CELF1: variants seen among roughly 807,000 people sequenced by gnomAD.
CELF1 encodes the protein CUGBP Elav-like family member 1, also known as 50 kDa nuclear polyadenylated RNA-binding protein.
Under a neutral mutation model 61.8 loss-of-function variants are expected in CELF1, and 10 were observed. The ratio of observed to expected loss-of-function variants is 0.16; its 90% CI spans 0.10 to 0.27. CELF1 has a LOEUF of 0.27. Ranked by LOEUF, CELF1 falls within the 10% of genes least tolerant of loss-of-function variation. The probability of loss-of-function intolerance (pLI) is 1.00; values close to 1 mark genes in which losing one functional copy is unlikely to be tolerated. For missense variants in CELF1, 380 were observed against 639.1 expected, an observed-to-expected ratio of 0.59 and a Z score of 4.37; for synonymous variants, 236 against 225.1, an observed-to-expected ratio of 1.05 and a Z score of -0.43.
At chr11:47,522,437 G>A (rs932656812) in intron 1 of CELF1, among the ~76,000 whole-genome samples, 4 of 151,734 alleles carry the variant, frequency 2.6e-5, no homozygotes, top group African/African-American at 4.8e-5. Flanking sequence ...GCTGAGTCAG[G>A]AGAACCCGGG....
chr11:47,521,672 A>T (rs2095898174), intron 1 of CELF1, among the ~76,000 whole-genome samples: 1 of 152,234 alleles, frequency 6.6e-6, no homozygotes, highest in South Asian at 2.1e-4. Flanking sequence ...GTGCTCAATA[A>T]ACATTTGCTA....
At chr11:47,553,944 T>C (rs1340519617), upstream of CELF1, among the ~76,000 whole-genome samples, 2 of 152,078 alleles carry the variant, frequency 1.3e-5, no homozygotes, top group East Asian at 3.8e-4. Flanking sequence ...TAAGCCAACA[T>C]TTATTCCTAG....
chr11:47,538,079 C>A (rs1003746101), intron 1 of CELF1, among the ~76,000 whole-genome samples: 7 of 152,006 alleles, frequency 4.6e-5, no homozygotes, highest in Admixed American at 3.9e-4. Flanking sequence ...CCATGCCTGG[C>A]TAAATAATTT....
intron 1 of CELF1, among the ~76,000 whole-genome samples, chr11:47,503,008 C>G (rs1437277545): frequency 6.6e-6 from 1 of 152,216 alleles, no homozygotes; most frequent in Non-Finnish European, 1.5e-5. Flanking sequence ...GTTTCCTCTT[C>G]TCTCCCTGGT....
chr11:47,497,616 A>G lies in CELF1; in HGVS notation c.71+1837T>C, dbSNP rs139478022. On this transcript the variant is annotated intron_variant, in intron 3 of 14. Transcript: ENST00000687097. ...GGGTGACTAAAACAGATGCAAACGT[A>G]CTTGGAAAAAATGTTGACAATCCAT... 3.9e-5 allele frequency among the ~76,000 whole-genome samples: 6 copies of G among 152,350 alleles called. No homozygotes were observed. In the East Asian group the frequency reaches 1.2e-3, roughly 29 times the overall value.
chr11:47,494,324 G>C, intron 3 of CELF1: 1 of 913,722 alleles, frequency 1.1e-6, no homozygotes, highest in Non-Finnish European at 1.3e-6. Context: ...AGCAGTAATA[G>C]TAATACCTGA....
intron 2 of CELF1, among the ~76,000 whole-genome samples, chr11:47,563,881 C>T (rs1461370463): frequency 1.3e-5 from 2 of 149,382 alleles, no homozygotes; most frequent in Admixed American, 1.3e-4. Flanking sequence ...CTTAGCTGGG[C>T]GTGGTGGCAG....
At chr11:47,501,646 C>T (rs1044619746) in intron 1 of CELF1, among the ~76,000 whole-genome samples, 8 of 151,842 alleles carry the variant, frequency 5.3e-5, no homozygotes, top group Admixed American at 3.9e-4. Context: ...GAAACCCCAT[C>T]TCTACTAAAA....
chr11:47,563,934 G>A (rs996146792), intron 2 of CELF1, among the ~76,000 whole-genome samples: 1 of 151,834 alleles, frequency 6.6e-6, no homozygotes, highest in African/African-American at 2.4e-5. Flanking sequence ...GAACCTGGGA[G>A]GCAGAGGTTG....
intron 1 of CELF1, among the ~76,000 whole-genome samples, chr11:47,543,962 A>C (rs1313461950): frequency 6.6e-6 from 1 of 152,210 alleles, no homozygotes; most frequent in Non-Finnish European, 1.5e-5. Flanking sequence ...ATTCATTTAT[A>C]ATTTTCAGTT....
intron 1 of CELF1, among the ~76,000 whole-genome samples, chr11:47,548,045 A>G (rs2097023924): frequency 6.6e-6 from 1 of 152,190 alleles, no homozygotes; most frequent in Non-Finnish European, 1.5e-5. Flanking sequence ...TCAAGCCTGT[A>G]ATCCCAACAC....
In CELF1 at chr11:47,505,934, T is replaced by A. The variant is rs1163904947; in HGVS notation, c.-153-5002A>T. Among the ~76,000 whole-genome samples the A allele has an allele frequency of 2.0e-4, 21 of 102,972 alleles. 1 individual carries two copies. Among genetic ancestry groups the A allele is most frequent in the African/African-American group, 6.6e-4 (21 of 31,944 alleles). 67.6% of individuals were successfully genotyped at this position (102,972 alleles called of 152,430 possible). On this transcript the variant is annotated intron_variant, in intron 1 of 14. Transcript: ENST00000687097. ...TGGGTGACAAGAGTGAAACTCTGTC[T>A]CCAAAAAAAAAAAAAAAAAGTATGT... is the stretch of plus-strand genomic sequence containing the variant.
chr11:47,507,101 T>C (rs1357660977), intron 1 of CELF1, among the ~76,000 whole-genome samples: 1 of 152,120 alleles, frequency 6.6e-6, no homozygotes, highest in East Asian at 1.9e-4. Context: ...TAAAACACCA[T>C]CAACTTAAAC....
At chr11:47,529,676 C>T (rs1018756002) in intron 1 of CELF1, among the ~76,000 whole-genome samples, 3 of 151,734 alleles carry the variant, frequency 2.0e-5, no homozygotes, top group African/African-American at 7.3e-5. Context: ...AAAAAATTAG[C>T]TGGGTGTGGT....
chr11:47,539,401 CG>C (rs1344872334), intron 1 of CELF1, among the ~76,000 whole-genome samples: 3 of 152,128 alleles, frequency 2.0e-5, no homozygotes, highest in Non-Finnish European at 4.4e-5. Context: ...CCTGTAATCC[CG>C]GCACTTTGGG....
At chr11:47,540,866 CAGAG>C (rs1014664147) in intron 1 of CELF1, among the ~76,000 whole-genome samples, 6 of 151,346 alleles carry the variant, frequency 4.0e-5, no homozygotes, top group Admixed American at 2.6e-4. Flanking sequence ...GCCTGGGCGA[CAGAG>C]AGAGACTCCA....
chr11:47,473,785 T>G (rs1057415787), intron 13 of CELF1, among the ~76,000 whole-genome samples: 5 of 152,234 alleles, frequency 3.3e-5, no homozygotes, highest in Non-Finnish European at 7.3e-5. Flanking sequence ...TCAGTGAGTT[T>G]CATCATATGT....
chr11:47,511,659 C>T (rs563418824), intron 1 of CELF1, among the ~76,000 whole-genome samples: 8 of 152,242 alleles, frequency 5.3e-5, no homozygotes, highest in African/African-American at 1.9e-4. Flanking sequence ...GTTTTGGGTG[C>T]TTTACATTTA....
intron 1 of CELF1, among the ~76,000 whole-genome samples, chr11:47,505,102 A>G (rs2094371488): frequency 1.3e-5 from 2 of 151,018 alleles, no homozygotes; most frequent in African/African-American, 4.8e-5. Context: ...AATCACAGAA[A>G]GACTCTGTAC....
Sources: gnomAD v4.1 joint callset for allele counts (sites outside exome capture counted in the v4.1 genomes callset) on GRCh38, gnomAD v4.1.1 for gene constraint, MANE v1.5 for transcripts, NCBI Gene and HGNC (gene_info 2026-07-23, HGNC 2026-07-21) for gene names.